WSCD2: variants seen among roughly 807,000 people sequenced by gnomAD.
WSCD2 encodes the protein sialate:O-sulfotransferase 2.
A neutral mutation model predicts 55.7 loss-of-function variants in WSCD2; 28 were observed. The ratio of observed to expected loss-of-function variants is 0.50; its 90% CI spans 0.37 to 0.69. The LOEUF (loss-of-function observed/expected upper bound fraction) is 0.69, where lower values mean the gene tolerates loss of function less well. WSCD2 is among the 30% of genes least tolerant of loss of function. The pLI is 0.00. For synonymous variants in WSCD2, 301 were observed against 301.9 expected (o/e 1.00, Z 0.03); for missense variants, 616 against 762.1 (o/e 0.81, Z 2.26).
At chr12:108,196,403 C>T (rs541211876) in intron 2 of WSCD2, 189 bp downstream of exon 2, 38 of 972,800 alleles carry the variant, frequency 3.9e-5, no homozygotes, top group Admixed American at 3.5e-4. Context: ...AGAGATGAAG[C>T]GGCTTGCCCA....
At chr12:108,170,821 A>C (rs996687107) in intron 1 of WSCD2, among the ~76,000 whole-genome samples, 2 of 152,226 alleles carry the variant, frequency 1.3e-5, no homozygotes, top group Non-Finnish European at 2.9e-5. Flanking sequence ...TCTCCCAGCT[A>C]GGAGTGGCTG....
At chr12:108,243,891 C>G (rs1272925116) in intron 8 of WSCD2, among the ~76,000 whole-genome samples, 2 of 152,124 alleles carry the variant, frequency 1.3e-5, no homozygotes, top group Non-Finnish European at 2.9e-5. Flanking sequence ...ACAGCTCAGT[C>G]CAGACTCCTA....
At chr12:108,151,266 G>T (rs946160171) in intron 1 of WSCD2, among the ~76,000 whole-genome samples, 1 of 152,128 alleles carries the variant, frequency 6.6e-6, no homozygotes, top group Non-Finnish European at 1.5e-5. Flanking sequence ...GTGTTGAGCA[G>T]CATCCCTGGC....
intron 6 of WSCD2, among the ~76,000 whole-genome samples, chr12:108,229,714 C>T (rs1020353717): frequency 6.6e-6 from 1 of 152,118 alleles, no homozygotes; most frequent in Admixed American, 6.5e-5. Flanking sequence ...GGAACCAAAT[C>T]AACTTTCTTT....
intron 1 of WSCD2, among the ~76,000 whole-genome samples, chr12:108,156,818 A>C (rs1310791913): frequency 6.6e-6 from 1 of 152,214 alleles, no homozygotes; most frequent in Non-Finnish European, 1.5e-5. Flanking sequence ...ACCAAACCCC[A>C]ACTAGCCATC....
intron 1 of WSCD2, among the ~76,000 whole-genome samples, chr12:108,148,024 A>T (rs891344042): frequency 6.6e-6 from 1 of 151,988 alleles, no homozygotes; most frequent in African/African-American, 2.4e-5. Flanking sequence ...TCACCTTCAA[A>T]TCCACCCTGT....
chr12:108,246,228 G>A (rs901313961), intron 8 of WSCD2, among the ~76,000 whole-genome samples: 1 of 152,200 alleles, frequency 6.6e-6, no homozygotes, highest in Non-Finnish European at 1.5e-5. Context: ...TTCCTTTCAG[G>A]GTAGTCAGCA....
chr12:108,210,370 G>A lies in WSCD2; in HGVS notation c.682+65G>A, dbSNP rs979973667. On this transcript the variant is annotated intron_variant, in intron 4 of 8. Transcript: ENST00000547525. The surrounding 1 kb of genome is among the most constrained non-coding windows in gnomAD (Gnocchi z 4.3). ...TCAGCTGCAGCCCTTGCCCACCAAAGAGTCCCACATGTCTGCCCTGTACCC... is the reference window on the plus strand; with the variant it reads ...TCAGCTGCAGCCCTTGCCCACCAAAAAGTCCCACATGTCTGCCCTGTACCC... 4 of 1,506,332 alleles carry A rather than the reference G, an allele frequency of 2.7e-6. No homozygotes were observed. Among genetic ancestry groups the A allele is most frequent in the Non-Finnish European group, 3.5e-6 (4 of 1,131,276 alleles). 93.3% of individuals were successfully genotyped at this position (1,506,332 alleles called of 1,614,324 possible).
intron 1 of WSCD2, among the ~76,000 whole-genome samples, chr12:108,172,994 G>A (rs1334214610): frequency 4.8e-5 from 7 of 144,902 alleles, no homozygotes; most frequent in African/African-American, 1.3e-4. Flanking sequence ...CCCACTCCCC[G>A]CCCCTTCCCC....
At chr12:108,176,368 C>T (rs1232588389) in intron 1 of WSCD2, among the ~76,000 whole-genome samples, 1 of 152,154 alleles carries the variant, frequency 6.6e-6, no homozygotes, top group Non-Finnish European at 1.5e-5. Context: ...TTTGTGTTGT[C>T]TTTCTTTTCT....
At chr12:108,240,966 T>C (rs1889696914) in intron 8 of WSCD2, among the ~76,000 whole-genome samples, 3 of 152,322 alleles carry the variant, frequency 2.0e-5, no homozygotes, top group Admixed American at 6.5e-5. Context: ...GTGACTTTCA[T>C]GGCACTGGAG....
At chr12:108,234,665 C>G (rs1852700758) in intron 7 of WSCD2, among the ~76,000 whole-genome samples, 2 of 152,146 alleles carry the variant, frequency 1.3e-5, no homozygotes, top group Non-Finnish European at 2.9e-5. Flanking sequence ...TTGGGATATT[C>G]CAGAATCCCT....
intron 1 of WSCD2, among the ~76,000 whole-genome samples, chr12:108,168,230 G>A (rs1879864878): frequency 6.6e-6 from 1 of 152,210 alleles, no homozygotes; most frequent in South Asian, 2.1e-4. Flanking sequence ...TGGTTAGACA[G>A]TAGGGCTCGT....
chr12:108,220,782 C>T (rs925675637), intron 4 of WSCD2, among the ~76,000 whole-genome samples: 2 of 152,140 alleles, frequency 1.3e-5, no homozygotes, highest in Non-Finnish European at 2.9e-5. Context: ...AGGGGATCCT[C>T]CTGCTTTGGC....
intron 1 of WSCD2, among the ~76,000 whole-genome samples, chr12:108,166,857 G>A (rs1879720243): frequency 6.9e-6 from 1 of 145,426 alleles, no homozygotes; most frequent in East Asian, 2.0e-4. Flanking sequence ...TGTTGCCCAG[G>A]CTGAAGTGTA....
chr12:108,143,573 G>A (rs1348939782), intron 1 of WSCD2, among the ~76,000 whole-genome samples: 1 of 152,196 alleles, frequency 6.6e-6, no homozygotes, highest in Non-Finnish European at 1.5e-5. Flanking sequence ...GGCATGCAAG[G>A]TACTTAGCAC....
At position 108,248,811 on chromosome 12, in the gene WSCD2, C is replaced by T; in HGVS notation, c.*468C>T. On this transcript the variant is annotated 3_prime_UTR_variant, in exon 9 of 9. Transcript: ENST00000547525. The surrounding 1 kb of genome is among the most constrained non-coding windows in gnomAD (Gnocchi z 4.3). ...TTCGCAGCCCCCTTCTCATCTCCAC[C>T]CAAGAAGTGCTGGCACCGATGTTTA... The T allele has an allele frequency of 1.0e-6, 1 of 990,982 alleles. No homozygotes were observed. 61.4% of individuals were successfully genotyped at this position (990,982 alleles called of 1,614,324 possible).
intron 5 of WSCD2, 30 bp downstream of exon 5, chr12:108,224,890 AG>A (rs1443333278): frequency 1.2e-5 from 19 of 1,606,974 alleles, no homozygotes; most frequent in Non-Finnish European, 1.6e-5. Flanking sequence ...CATGGAACTC[AG>A]GGGGAGGGAA....
intron 1 of WSCD2, among the ~76,000 whole-genome samples, chr12:108,147,668 A>G (rs760972180): frequency 1.6e-4 from 24 of 151,792 alleles, no homozygotes; most frequent in Non-Finnish European, 3.2e-4. Context: ...CTTGAGCTCA[A>G]AAGTTTGAGA....
Sources: gnomAD v4.1 joint callset for allele counts (sites outside exome capture counted in the v4.1 genomes callset) on GRCh38, gnomAD v4.1.1 for gene constraint, Gnocchi (gnomAD v3.1) non-coding constraint, MANE v1.5 for transcripts, NCBI Gene and HGNC (gene_info 2026-07-23, HGNC 2026-07-21) for gene names.